The following SLC10A7 variants were observed in gnomAD, a reference collection of about 807,000 sequenced individuals.
SLC10A7 encodes the protein solute carrier family 10 member 7.
Under a neutral mutation model 43.2 loss-of-function variants are expected in SLC10A7, and 29 were observed. The ratio of observed to expected loss-of-function variants is 0.67; its 90% CI spans 0.50 to 0.92. SLC10A7 has a LOEUF of 0.92. SLC10A7 is among the 40% of genes least tolerant of loss of function. SLC10A7 has a pLI of 0.00. For missense variants in SLC10A7, 295 were observed against 403.2 expected (o/e 0.73, Z 2.30); for synonymous variants, 152 against 144.8 (o/e 1.05, Z -0.35).
At chr4:146,345,303 A>G (rs1734542420) in intron 5 of SLC10A7, among the ~76,000 whole-genome samples, 1 of 152,080 alleles carries the variant, frequency 6.6e-6, no homozygotes, top group African/African-American at 2.4e-5. Context: ...ATTTTTCTCT[A>G]CCTTCTCTTA....
chr4:146,397,452 G>C (rs1455260661), intron 5 of SLC10A7, among the ~76,000 whole-genome samples: 2 of 152,112 alleles, frequency 1.3e-5, no homozygotes, highest in Admixed American at 1.3e-4. Flanking sequence ...TTGATCACTG[G>C]TAACCTTTCT....
intron 5 of SLC10A7, among the ~76,000 whole-genome samples, chr4:146,396,082 A>G (rs1054191211): frequency 3.3e-5 from 5 of 152,180 alleles, no homozygotes; most frequent in South Asian, 2.1e-4. Flanking sequence ...TGGCTCAGAC[A>G]TATTATATAA....
At chr4:146,484,577 T>C (rs1331089951) in intron 4 of SLC10A7, among the ~76,000 whole-genome samples, 1 of 152,078 alleles carries the variant, frequency 6.6e-6, no homozygotes, top group Non-Finnish European at 1.5e-5. Flanking sequence ...TGGGGAGATG[T>C]AGGTCAGCAG....
chr4:146,495,348 C>T (rs1321021179), intron 4 of SLC10A7, among the ~76,000 whole-genome samples: 1 of 152,184 alleles, frequency 6.6e-6, no homozygotes, highest in Non-Finnish European at 1.5e-5. Context: ...TTCCTTTTCA[C>T]TCCTAGTCCT....
Position 146,452,151 on chromosome 4 carries a change from G to C in SLC10A7, c.397-9330C>G, listed in dbSNP as rs75550260. ...AAAAACTATTTCCTCTAAAATATGA[G>C]CTTGAGTAGGCACATTAAATCTTAT... On this transcript the variant is annotated intron_variant, in intron 4 of 11. Coordinates refer to ENST00000335472, the MANE Select transcript of SLC10A7 (RefSeq NM_001029998.6). Among the ~76,000 whole-genome samples, 42 of 152,202 alleles carry C rather than the reference G, an allele frequency of 2.8e-4. No homozygotes were observed. In the East Asian group the frequency reaches 7.9e-3, roughly 29 times the overall value.
At chr4:146,366,022 T>C (rs1736366925) in intron 5 of SLC10A7, among the ~76,000 whole-genome samples, 1 of 152,154 alleles carries the variant, frequency 6.6e-6, no homozygotes, top group Admixed American at 6.5e-5. Context: ...GGTTGTGTGC[T>C]CCTTATGAGA....
intron 5 of SLC10A7, among the ~76,000 whole-genome samples, chr4:146,355,395 A>G (rs539382860): frequency 1.7e-3 from 263 of 152,168 alleles, no homozygotes; most frequent in African/African-American, 3.8e-3. Context: ...AACAACAGGT[A>G]CTGGAGAGGA....
chr4:146,259,890 C>CT (rs1281598451), intron 10 of SLC10A7, among the ~76,000 whole-genome samples: 1 of 152,194 alleles, frequency 6.6e-6, no homozygotes, highest in Non-Finnish European at 1.5e-5. Context: ...TCTTGTTTCT[C>CT]TGATAACAGC....
chr4:146,436,319 G>C (rs978176666), intron 5 of SLC10A7, among the ~76,000 whole-genome samples: 1 of 152,006 alleles, frequency 6.6e-6, no homozygotes, highest in Non-Finnish European at 1.5e-5. Flanking sequence ...CTTCAGATAA[G>C]AGTTTGTTTT....
intron 7 of SLC10A7, among the ~76,000 whole-genome samples, chr4:146,303,616 G>A (rs947340548): frequency 1.3e-5 from 2 of 152,016 alleles, no homozygotes; most frequent in African/African-American, 4.8e-5. Context: ...CTGACCTCAG[G>A]TGATCCGCCC....
intron 5 of SLC10A7, among the ~76,000 whole-genome samples, chr4:146,339,649 C>T (rs1277153538): frequency 1.3e-5 from 2 of 151,940 alleles, no homozygotes; most frequent in Non-Finnish European, 2.9e-5. Context: ...CCCTATCTAC[C>T]TCTCACCATT....
At chr4:146,305,852 A>C in intron 7 of SLC10A7, 74 bp downstream of exon 7, 1 of 1,302,862 alleles carries the variant, frequency 7.7e-7, no homozygotes, top group Non-Finnish European at 1.1e-6. Flanking sequence ...CCTTTCTCTC[A>C]ACTGCTCTGA....
At chr4:146,462,829 C>T (rs899306973) in intron 4 of SLC10A7, among the ~76,000 whole-genome samples, 1 of 152,040 alleles carries the variant, frequency 6.6e-6, no homozygotes, top group South Asian at 2.1e-4. Flanking sequence ...TTCTCCTGGT[C>T]AAACGTTTTA....
chr4:146,355,919 T>C (rs1735566433), intron 5 of SLC10A7, among the ~76,000 whole-genome samples: 1 of 148,510 alleles, frequency 6.7e-6, no homozygotes, highest in Non-Finnish European at 1.5e-5. Context: ...GGGATAGCAC[T>C]GGGAGACATA....
chr4:146,404,476 ATGTG>A (rs34519773), intron 5 of SLC10A7, among the ~76,000 whole-genome samples: 5,207 of 141,348 alleles, frequency 0.037, 126 homozygotes, highest in African/African-American at 0.069. Flanking sequence ...CTGCTCATTT[ATGTG>A]TGTGTGTGTG....
intron 4 of SLC10A7, among the ~76,000 whole-genome samples, chr4:146,502,295 G>A (rs927938180): frequency 6.6e-6 from 1 of 152,140 alleles, no homozygotes; most frequent in Non-Finnish European, 1.5e-5. Context: ...ACTCTCATTC[G>A]CTACTGGTTG....
At chr4:146,514,021 T>C (rs1737722998) in intron 2 of SLC10A7, 2 of 152,192 alleles carry the variant, frequency 1.3e-5, no homozygotes, top group South Asian at 4.1e-4. Context: ...CATCAAGCAT[T>C]GCTTAAAACC....
At chr4:146,363,714 C>T (rs981161974) in intron 5 of SLC10A7, among the ~76,000 whole-genome samples, 2 of 152,050 alleles carry the variant, frequency 1.3e-5, no homozygotes, top group Admixed American at 6.6e-5. Flanking sequence ...GGAAACTAGA[C>T]AAACACATGG....
Position 146,521,660 on chromosome 4 carries a change from T to C in SLC10A7, c.58A>G (p.Ile20Val). Residue 20 changes from isoleucine to valine, a missense_variant, in exon 1 of 12, where the codon ATC becomes GTC. This residue lies in a region of SLC10A7 where 53 missense variants were observed against 40.7 expected (regional missense o/e 1.30). Transcript: ENST00000335472. The part of the protein sequence containing the change: ...DWFMVGIVLA[I>V]AGAKLEPSIG... ...GACGGCTCCAGTTTAGCTCCAGCGATCGCCAGCACTATTCCGACCATGAAC... is the reference window on the plus strand; with the variant it reads ...GACGGCTCCAGTTTAGCTCCAGCGACCGCCAGCACTATTCCGACCATGAAC... The C allele has an allele frequency of 6.2e-7, 1 of 1,614,220 alleles. No individual in the cohort carries two copies. Among genetic ancestry groups the C allele is most frequent in the East Asian group, 2.2e-5 (1 of 44,886 alleles).
Sources: gnomAD v4.1 joint callset for allele counts (sites outside exome capture counted in the v4.1 genomes callset) on GRCh38, gnomAD v4.1.1 for gene constraint, gnomAD v4.1.1 regional missense constraint, MANE v1.5 for transcripts, NCBI Gene and HGNC (gene_info 2026-07-23, HGNC 2026-07-21) for gene names.